BBX: variants seen among roughly 807,000 people sequenced by gnomAD.
The protein encoded by BBX is HMG box transcription factor BBX.
BBX carries 30 observed loss-of-function variants against 100.2 expected under a neutral mutation model. The observed-to-expected ratio is 0.30, with a 90% CI of 0.22 to 0.41. BBX has a LOEUF of 0.41. Ranked by LOEUF, BBX falls within the 10% of genes least tolerant of loss-of-function variation. BBX has a pLI of 1.00. For missense variants in BBX, 1,023 were observed against 1,129.8 expected (o/e 0.91, Z 1.35); for synonymous variants, 376 against 388.1 (o/e 0.97, Z 0.37).
intron 9 of BBX, among the ~76,000 whole-genome samples, chr3:107,752,355 C>T (rs2065140246): frequency 6.6e-6 from 1 of 152,132 alleles, no homozygotes; most frequent in Admixed American, 6.5e-5. Flanking sequence ...TGTAACTAAT[C>T]AGTGGATGTA....
rs1308194773 is a variant in BBX at position 107,773,020 on chromosome 3, T to G, written c.1299T>G (p.His433Gln). ...GAAAGGATCATATGTGCCATCCTCA[T>G]GGAATTATGATCATTGAGGATCCCG... ...PSRKDHMCHP[H>Q]GIMIIEDPAA... The change falls in exon 11 of 18, where the codon CAT (histidine) becomes CAG (glutamine). Residue 433 changes from histidine to glutamine, a missense_variant. Around this residue, in one of 9 missense-constraint regions of BBX, gnomAD observed 348 missense variants for 353.2 expected, o/e 0.99. Coordinates refer to ENST00000325805, the MANE Select transcript of BBX (RefSeq NM_001142568.3). This position sits in a 1 kb window ranked among gnomAD's most constrained non-coding sequence, Gnocchi z 4.1. 4.3e-6 allele frequency: 7 copies of G among 1,613,894 alleles called. No homozygotes were observed. The highest frequency in any genetic ancestry group is 5.1e-6 in the Non-Finnish European group (6 of 1,180,006).
intron 3 of BBX, among the ~76,000 whole-genome samples, chr3:107,701,773 A>T (rs894568033): frequency 2.0e-5 from 3 of 151,932 alleles, no homozygotes; most frequent in Admixed American, 6.6e-5. Context: ...TATACACTAA[A>T]GGAAGCAAAA....
intron 2 of BBX, among the ~76,000 whole-genome samples, chr3:107,529,824 A>ATTT (rs879619864): frequency 1.4e-5 from 2 of 144,290 alleles, no homozygotes; most frequent in Non-Finnish European, 3.1e-5. Context: ...GATTGTCTTC[A>ATTT]TTTTTTTTTT....
At chr3:107,548,270 TA>T (rs2049388768) in intron 2 of BBX, among the ~76,000 whole-genome samples, 1 of 152,220 alleles carries the variant, frequency 6.6e-6, no homozygotes, top group South Asian at 2.1e-4. Context: ...ATACTACCTA[TA>T]TAAAGCTACT....
intron 7 of BBX, among the ~76,000 whole-genome samples, chr3:107,736,890 A>G (rs1222144831): frequency 1.3e-5 from 2 of 152,120 alleles, no homozygotes; most frequent in African/African-American, 4.8e-5. Flanking sequence ...ATTATAGCTG[A>G]TGAAAAGCTT....
intron 2 of BBX, among the ~76,000 whole-genome samples, chr3:107,534,734 CAGTT>C (rs772662574): frequency 3.3e-5 from 5 of 152,278 alleles, no homozygotes; most frequent in African/African-American, 4.8e-5. Context: ...ATGAAAGTGT[CAGTT>C]AGGAAGGGAT....
chr3:107,605,014 A>C (rs2054324329), intron 2 of BBX, among the ~76,000 whole-genome samples: 3 of 152,168 alleles, frequency 2.0e-5, no homozygotes, highest in Admixed American at 1.3e-4. Flanking sequence ...AATTTACTTG[A>C]CTGCGTAGCT....
At chr3:107,549,542 C>T (rs141811015) in intron 2 of BBX, among the ~76,000 whole-genome samples, 66 of 152,262 alleles carry the variant, frequency 4.3e-4, no homozygotes, top group Admixed American at 1.3e-3. Flanking sequence ...AAGACATGCA[C>T]GTCTTTTTCT....
At chr3:107,532,116 C>T (rs1202002109) in intron 2 of BBX, among the ~76,000 whole-genome samples, 1 of 151,990 alleles carries the variant, frequency 6.6e-6, no homozygotes, top group Non-Finnish European at 1.5e-5. Context: ...ATCACTTGAG[C>T]CCGCACGGTT....
intron 2 of BBX, among the ~76,000 whole-genome samples, chr3:107,621,617 C>T (rs576803532): frequency 6.6e-6 from 1 of 152,312 alleles, no homozygotes; most frequent in African/African-American, 2.4e-5. Flanking sequence ...ATTTAGATAT[C>T]GTTCAGCTTG....
chr3:107,611,503 T>C (rs1160980653), intron 2 of BBX, among the ~76,000 whole-genome samples: 1 of 152,202 alleles, frequency 6.6e-6, no homozygotes, highest in Non-Finnish European at 1.5e-5. Context: ...TCACCAGATA[T>C]ACTATTCTAG....
At chr3:107,571,051 G>A (rs2051317507) in intron 2 of BBX, among the ~76,000 whole-genome samples, 1 of 152,270 alleles carries the variant, frequency 6.6e-6, no homozygotes, top group East Asian at 1.9e-4. Flanking sequence ...AAGAAAATAA[G>A]ACGCTTAGGT....
At chr3:107,757,063 C>T (rs1007536360) in intron 10 of BBX, among the ~76,000 whole-genome samples, 1 of 151,912 alleles carries the variant, frequency 6.6e-6, no homozygotes, top group African/African-American at 2.4e-5. Flanking sequence ...TGACCCTCTG[C>T]TTGTGCTGGT....
At chr3:107,756,722 C>A (rs1252477967) in intron 10 of BBX, among the ~76,000 whole-genome samples, 1 of 152,100 alleles carries the variant, frequency 6.6e-6, no homozygotes, top group Non-Finnish European at 1.5e-5. Flanking sequence ...TGTTGTCTGA[C>A]ACTACAATGA....
chr3:107,710,760 T>C (rs1354167222), intron 4 of BBX, 138 bp downstream of exon 4: 1 of 770,420 alleles, frequency 1.3e-6, no homozygotes, highest in Admixed American at 3.2e-5. Context: ...TTACTTAGTT[T>C]ACATTTTTAT....
intron 2 of BBX, among the ~76,000 whole-genome samples, chr3:107,618,181 A>C (rs2055440605): frequency 6.6e-6 from 1 of 151,668 alleles, no homozygotes; most frequent in Non-Finnish European, 1.5e-5. Context: ...ACATTCCTTG[A>C]TTTTTGAATA....
At chr3:107,744,949 A>T (rs556590873) in intron 8 of BBX, among the ~76,000 whole-genome samples, 1 of 152,194 alleles carries the variant, frequency 6.6e-6, no homozygotes, top group African/African-American at 2.4e-5. Flanking sequence ...TATTAACCTC[A>T]TTACTAATTT....
chr3:107,727,698 GA>G (rs2063058363), intron 5 of BBX, among the ~76,000 whole-genome samples: 1 of 151,926 alleles, frequency 6.6e-6, no homozygotes, highest in Non-Finnish European at 1.5e-5. Context: ...GGAAATGATA[GA>G]AAAAAAGTAT....
chr3:107,557,445 C>T (rs1279048886), intron 2 of BBX, among the ~76,000 whole-genome samples: 1 of 152,166 alleles, frequency 6.6e-6, no homozygotes, highest in African/African-American at 2.4e-5. Flanking sequence ...TCCTGTTTCT[C>T]TAATTGCAAA....
Sources: gnomAD v4.1 joint callset for allele counts (sites outside exome capture counted in the v4.1 genomes callset) on GRCh38, gnomAD v4.1.1 for gene constraint, gnomAD v4.1.1 regional missense constraint, Gnocchi (gnomAD v3.1) non-coding constraint, MANE v1.5 for transcripts, NCBI Gene and HGNC (gene_info 2026-07-23, HGNC 2026-07-21) for gene names.